The following FHOD1 variants were observed in gnomAD, a reference collection of about 807,000 sequenced individuals.
FHOD1 encodes the protein FH1/FH2 domain-containing protein 1.
In FHOD1, 89 loss-of-function variants were observed where a neutral mutation model predicts 111.6. The observed-to-expected ratio is 0.80, with a 90% confidence interval of 0.67 to 0.95. FHOD1 has a LOEUF of 0.95. Ranked by LOEUF, FHOD1 falls within the 40% of genes least tolerant of loss-of-function variation. The pLI, the probability that FHOD1 is intolerant of heterozygous loss-of-function variation, is 0.00. For synonymous variants in FHOD1, 618 were observed against 639.0 expected (o/e 0.97, Z 0.50); for missense variants, 1,446 against 1,554.2 (o/e 0.93, Z 1.17).
chr16:67,242,223 C>T (rs2034687252), intron 1 of FHOD1, among the ~76,000 whole-genome samples: 1 of 152,218 alleles, frequency 6.6e-6, no homozygotes, highest in Admixed American at 6.5e-5. Flanking sequence ...CTTGCCTCTG[C>T]CTCTCAAAGT....
chr16:67,239,849 T>C (rs2034617950), intron 1 of FHOD1, among the ~76,000 whole-genome samples: 1 of 152,216 alleles, frequency 6.6e-6, no homozygotes, highest in South Asian at 2.1e-4. Context: ...GCTGTATCTA[T>C]AGAGCCTGGC....
chr16:67,233,248 G>T (rs1419403373), intron 13 of FHOD1, among the ~76,000 whole-genome samples: 1 of 151,806 alleles, frequency 6.6e-6, no homozygotes, highest in Non-Finnish European at 1.5e-5. Flanking sequence ...CACCACGCTT[G>T]GCTAATTTTG....
Position 67,229,708 on chromosome 16 carries a change from C to T in FHOD1, c.3423G>A (p.Thr1141=), listed in dbSNP as rs200812024. Residue 1141 remains threonine (T), a synonymous_variant, in exon 22 of 22, where the codon ACG becomes ACA. Transcript: ENST00000258201. Reference sequence around the variant, plus strand: ...GGTCATCTCCGAGCCCACTCTTCAACGTCCTTCTCACTGCAGGGACAGAGC... The same window carrying T: ...GGTCATCTCCGAGCCCACTCTTCAATGTCCTTCTCACTGCAGGGACAGAGC... The part of the protein sequence containing the change: ...SRGNRKSLRR[T]LKSGLGDDLV... 14 of 1,613,948 alleles carry T rather than the reference C, an allele frequency of 8.7e-6. No individual in the cohort carries two copies. The highest frequency in any genetic ancestry group is 4.5e-5 in the East Asian group (2 of 44,886).
Position 67,238,780 on chromosome 16 carries a change from G to T in FHOD1, c.373+123C>A. Reference sequence around the variant, plus strand: ...GGCCCTGGAAGAAGAGGTCAGGATAGGGAGAGGAAGGAGCACATACAGCTA... The same window carrying T: ...GGCCCTGGAAGAAGAGGTCAGGATATGGAGAGGAAGGAGCACATACAGCTA... On this transcript the variant is annotated intron_variant, in intron 3 of 21. Coordinates refer to ENST00000258201, the MANE Select transcript of FHOD1 (RefSeq NM_013241.3). The surrounding 1 kb of genome is among the most constrained non-coding windows in gnomAD (Gnocchi z 4.2). 1.1e-6 allele frequency: 1 copy of T among 913,932 alleles called. No individual in the cohort carries two copies. The highest frequency in any genetic ancestry group is 1.8e-6 in the Non-Finnish European group (1 of 557,954). The allele number at this position is 913,932 out of a possible 1,614,324, so 56.6% of individuals were successfully genotyped here.
chr16:67,234,582 CAG>C, intron 11 of FHOD1, 110 bp from the exon 12 acceptor site: 3 of 910,220 alleles, frequency 3.3e-6, no homozygotes, highest in Non-Finnish European at 5.1e-6. Flanking sequence ...CACAGACACA[CAG>C]GGAACAGTCC....
intron 11 of FHOD1, 23 bp downstream of exon 11, chr16:67,236,534 G>A: frequency 1.2e-6 from 2 of 1,607,842 alleles, no homozygotes; most frequent in Non-Finnish European, 1.7e-6. Context: ...GGACTCCAGG[G>A]TGGCCTCTGT....
Position 67,237,184 on chromosome 16 carries a change from T to G in FHOD1, c.993+55A>C, listed in dbSNP as rs2034518532. The G allele has an allele frequency of 1.2e-6, 2 of 1,603,306 alleles. No individual in the cohort carries two copies. The highest frequency in any genetic ancestry group is 1.1e-5 in the South Asian group (1 of 90,404). On this transcript the variant is annotated intron_variant, in intron 9 of 21. Transcript: ENST00000258201. The surrounding 1 kb of genome is among the most constrained non-coding windows in gnomAD (Gnocchi z 5.6). ...GCAGGTGGGGTGGGGCGCTGGGGAC[T>G]GCGCTTCTCTCTTCCCTCTTTCCAA...
At chr16:67,233,053 G>A (rs1038707120) in intron 13 of FHOD1, among the ~76,000 whole-genome samples, 1 of 151,214 alleles carries the variant, frequency 6.6e-6, no homozygotes, top group Non-Finnish European at 1.5e-5. Flanking sequence ...CACCATGCCC[G>A]GCTAATTTTT....
At position 67,234,346 on chromosome 16, in the gene FHOD1, C is replaced by A. The variant is rs1215091413; in HGVS notation, c.1435+11G>T. 1.9e-6 allele frequency: 3 copies of A among 1,609,070 alleles called. No homozygotes were observed. The highest frequency in any genetic ancestry group is 1.7e-6 in the Non-Finnish European group (2 of 1,178,490). ...AACAGGCAGGCTCTGCCTGCTCACCCACCTACTCACCTGGGTGTCCACCCG... is the reference window on the plus strand; with the variant it reads ...AACAGGCAGGCTCTGCCTGCTCACCAACCTACTCACCTGGGTGTCCACCCG... On this transcript the variant is annotated intron_variant, in intron 12 of 21. Coordinates refer to ENST00000258201, the MANE Select transcript of FHOD1 (RefSeq NM_013241.3).
Position 67,231,481 on chromosome 16 carries a change from G to A in FHOD1, c.2454C>T (p.Arg818=). 1 of 1,614,166 alleles carries A rather than the reference G, an allele frequency of 6.2e-7. No individual in the cohort carries two copies. The highest frequency in any genetic ancestry group is 8.5e-7 in the Non-Finnish European group (1 of 1,180,036). The change falls in exon 16 of 22, where the codon CGC becomes CGT. Residue 818 remains arginine, a synonymous_variant. Coordinates refer to ENST00000258201, the MANE Select transcript of FHOD1 (RefSeq NM_013241.3). This position sits in a 1 kb window ranked among gnomAD's most constrained non-coding sequence, Gnocchi z 4.3. ...MEQLVQNATF[R]CILATLLAVG... ...CCGCTAGGAGGGTAGCCAGGATGCAGCGGAAGGTGGCATTCTGTACCAGCT... is the reference window on the plus strand; with the variant it reads ...CCGCTAGGAGGGTAGCCAGGATGCAACGGAAGGTGGCATTCTGTACCAGCT...
Position 67,233,907 on chromosome 16 carries a change from G to A in FHOD1, c.1796C>T (p.Pro599Leu). 4 of 1,589,744 alleles carry A rather than the reference G, an allele frequency of 2.5e-6. No individual in the cohort carries two copies. The highest frequency in any genetic ancestry group is 3.4e-6 in the Non-Finnish European group (4 of 1,168,456). Residue 599 changes from proline (P) to leucine (L), a missense_variant, in exon 13 of 22, where the codon CCA becomes CTA. Coordinates refer to ENST00000258201, the MANE Select transcript of FHOD1 (RefSeq NM_013241.3). The part of the protein sequence containing the change: ...PPPPPIKGPF[P>L]PPPPLPLAAP... The stretch of plus-strand genomic sequence containing the variant: ...AGCCAGAGGTAGAGGTGGAGGTGGT[G>A]GGAAGGGGCCTTTGATGGGTGGGGG...
At position 67,247,190 on chromosome 16, in the gene FHOD1, C is replaced by T. The variant is rs1417642807; in HGVS notation, c.201+20G>A. The T allele has an allele frequency of 4.6e-6, 7 of 1,524,730 alleles. No individual in the cohort carries two copies. Among genetic ancestry groups the T allele is most frequent in the Admixed American group, 2.0e-5 (1 of 48,812 alleles). The allele number at this position is 1,524,730 out of a possible 1,614,324, so 94.5% of individuals were successfully genotyped here. On this transcript the variant is annotated intron_variant, in intron 1 of 21. Transcript: ENST00000258201. Reference sequence around the variant, plus strand: ...ACCCTGAACCCCCGATCGCCCCAACCTTTCTCCGGCCTCCCTCACCTTGAG... The same window carrying T: ...ACCCTGAACCCCCGATCGCCCCAACTTTTCTCCGGCCTCCCTCACCTTGAG...
At position 67,231,676 on chromosome 16, in the gene FHOD1, T is replaced by C; in HGVS notation, c.2346A>G (p.Gln782=). Residue 782 remains glutamine (Q), a synonymous_variant, in exon 15 of 22, where the codon CAA becomes CAG. Coordinates refer to ENST00000258201, the MANE Select transcript of FHOD1 (RefSeq NM_013241.3). This position sits in a 1 kb window ranked among gnomAD's most constrained non-coding sequence, Gnocchi z 4.3. ...ASIGGLAARL[Q]LWAFKLDYDS... ...CATAGTCCAGCTTGAAGGCCCAGAGTTGTAGACGAGCAGCGAGGCCGCCAA... is the reference window on the plus strand; with the variant it reads ...CATAGTCCAGCTTGAAGGCCCAGAGCTGTAGACGAGCAGCGAGGCCGCCAA... 3 of 1,613,918 alleles carry C rather than the reference T, an allele frequency of 1.9e-6. No homozygotes were observed. The highest frequency in any genetic ancestry group is 2.5e-6 in the Non-Finnish European group (3 of 1,179,972).
In FHOD1 at chr16:67,237,757, C is replaced by A. The variant is rs1597326017; in HGVS notation, c.654G>T (p.Val218=). ...YTLCASLSRL[V]VKTALKLLLV... ...ACAGCAGCTTCAGGGCTGTCTTCAC[C>A]ACCAAGCGGGACTGAGGAGAGAGGT... The change falls in exon 7 of 22, where the codon GTG becomes GTT. Residue 218 remains valine (V), a synonymous_variant. Transcript: ENST00000258201. The surrounding 1 kb of genome is among the most constrained non-coding windows in gnomAD (Gnocchi z 5.6). The A allele has an allele frequency of 6.2e-7, 1 of 1,614,146 alleles. No homozygotes were observed.
chr16:67,230,139 A>G lies in FHOD1; in HGVS notation c.3141T>C (p.Ala1047=), dbSNP rs949948364. ...GACTCTTCATACTAGCATGACTGTC[A>G]GCATCTCCCCGGCCTGGCCCGCTGC... ...AVSSGPGRGD[A]DSHASMKSLL... The change falls in exon 20 of 22, where the codon GCT becomes GCC. Residue 1047 remains alanine (A), a synonymous_variant. Coordinates refer to ENST00000258201, the MANE Select transcript of FHOD1 (RefSeq NM_013241.3). 13 of 1,614,230 alleles carry G rather than the reference A, an allele frequency of 8.1e-6. No individual in the cohort carries two copies. In the Admixed American group the frequency reaches 8.3e-5, roughly 10 times the overall value.
Position 67,229,576 on chromosome 16 carries a change from A to G in FHOD1, c.*60T>C. The G allele has an allele frequency of 1.4e-6, 2 of 1,480,884 alleles. No individual in the cohort carries two copies. Among genetic ancestry groups the G allele is most frequent in the Non-Finnish European group, 9.4e-7 (1 of 1,058,842 alleles). The allele number at this position is 1,480,884 out of a possible 1,614,324, so 91.7% of individuals were successfully genotyped here. Reference sequence around the variant, plus strand: ...CAGAATTCTGCTCTGGGCCCTCCTCACTCTGTCATCTCCTGCACTGCAGTC... The same window carrying G: ...CAGAATTCTGCTCTGGGCCCTCCTCGCTCTGTCATCTCCTGCACTGCAGTC... On this transcript the variant is annotated 3_prime_UTR_variant, in exon 22 of 22. Transcript: ENST00000258201.
rs1370102722 is a variant in FHOD1 at position 67,247,244 on chromosome 16, G to A, written c.167C>T (p.Pro56Leu). ...CGCTCCCAGCAGGCGGTGCACCGCG[G>A]GTATCTGCGCGCCCAAGGGCAGCGC... is the stretch of plus-strand genomic sequence containing the variant. ...DGALPLGAQI[P>L]AVHRLLGAPL... Residue 56 changes from proline (P) to leucine (L), a missense_variant, in exon 1 of 22, where the codon CCC (proline) becomes CTC (leucine). Physicochemically the swap from Pro to Leu is moderately conservative, Grantham distance 98. This residue lies in a region of FHOD1 where 127 missense variants were observed against 118.0 expected (regional missense o/e 1.08). Coordinates refer to ENST00000258201, the MANE Select transcript of FHOD1 (RefSeq NM_013241.3). 3 of 1,605,810 alleles carry A rather than the reference G, an allele frequency of 1.9e-6. No individual in the cohort carries two copies. Among genetic ancestry groups the A allele is most frequent in the African/African-American group, 2.7e-5 (2 of 74,710 alleles).
chr16:67,231,902 T>G lies in FHOD1; in HGVS notation c.2203-83A>C. On this transcript the variant is annotated intron_variant, in intron 14 of 21. Coordinates refer to ENST00000258201, the MANE Select transcript of FHOD1 (RefSeq NM_013241.3). This position sits in a 1 kb window ranked among gnomAD's most constrained non-coding sequence, Gnocchi z 4.3. Reference sequence around the variant, plus strand: ...CATTGGTCTTGACCCCTCAGTCATCTAGGGGAGGCCCCAGTGTCTGGGGAC... The same window carrying G: ...CATTGGTCTTGACCCCTCAGTCATCGAGGGGAGGCCCCAGTGTCTGGGGAC... 6.5e-7 allele frequency: 1 copy of G among 1,539,698 alleles called. No homozygotes were observed. Among genetic ancestry groups the G allele is most frequent in the African/African-American group, 1.4e-5 (1 of 73,132 alleles).
intron 2 of FHOD1, 102 bp from the exon 3 acceptor site, chr16:67,239,069 G>T: frequency 8.6e-7 from 1 of 1,160,900 alleles, no homozygotes; most frequent in Non-Finnish European, 1.3e-6. Context: ...CCCCAGCCCA[G>T]CTTGTTCCTC....
Sources: gnomAD v4.1 joint callset for allele counts (sites outside exome capture counted in the v4.1 genomes callset) on GRCh38, gnomAD v4.1.1 for gene constraint, gnomAD v4.1.1 regional missense constraint, Gnocchi (gnomAD v3.1) non-coding constraint, MANE v1.5 for transcripts, NCBI Gene and HGNC (gene_info 2026-07-23, HGNC 2026-07-21) for gene names.